Variants in IMMP2L observed in about 807,000 individuals in gnomAD.
IMMP2L encodes the protein mitochondrial inner membrane protease subunit 2.
In IMMP2L, 18 loss-of-function variants were observed where a neutral mutation model predicts 19.3. That is an observed-to-expected ratio of 0.93 (90% CI 0.64 to 1.38). The LOEUF is 1.38. IMMP2L is among the 40% of genes most tolerant of loss of function. The pLI, the probability that IMMP2L is intolerant of heterozygous loss-of-function variation, is 0.00. For synonymous variants in IMMP2L, 76 were observed against 73.0 expected (o/e 1.04, Z -0.21); for missense variants, 233 against 218.2 (o/e 1.07, Z -0.43).
In IMMP2L at chr7:111,417,564, T is replaced by C. The variant is rs1046139465; in HGVS notation, c.239+69674A>G. 2.8e-4 allele frequency among the ~76,000 whole-genome samples: 43 copies of C among 151,928 alleles called. 2 individuals carry two copies. Among genetic ancestry groups the C allele is most frequent in the African/African-American group, 9.9e-4 (41 of 41,240 alleles). Reference sequence around the variant, plus strand: ...ATATGAAGGTTCGTAGTCAGAGGTCTATGAAGACCCCTCAATGTGTAACCT... The same window carrying C: ...ATATGAAGGTTCGTAGTCAGAGGTCCATGAAGACCCCTCAATGTGTAACCT... On this transcript the variant is annotated intron_variant, in intron 3 of 5. Coordinates refer to ENST00000405709, the MANE Select transcript of IMMP2L (RefSeq NM_032549.4).
intron 3 of IMMP2L, among the ~76,000 whole-genome samples, chr7:111,144,403 A>G (rs1803252755): frequency 6.6e-6 from 1 of 152,164 alleles, no homozygotes; most frequent in Non-Finnish European, 1.5e-5. Context: ...CGAAAGTCAC[A>G]TAAGCTGGGA....
intron 3 of IMMP2L, among the ~76,000 whole-genome samples, chr7:111,139,375 T>C (rs543370781): frequency 4.0e-4 from 61 of 152,240 alleles, no homozygotes; most frequent in African/African-American, 1.3e-3. Context: ...AAGTATTTAC[T>C]GCCAGAGACT....
intron 3 of IMMP2L, among the ~76,000 whole-genome samples, chr7:111,463,285 T>C (rs1256019096): frequency 2.0e-5 from 3 of 152,076 alleles, no homozygotes; most frequent in African/African-American, 7.2e-5. Context: ...ATTACTTCTG[T>C]AAAGACCCAG....
chr7:111,325,171 A>G (rs1196111453), intron 3 of IMMP2L, among the ~76,000 whole-genome samples: 3 of 151,800 alleles, frequency 2.0e-5, no homozygotes, highest in African/African-American at 7.2e-5. Flanking sequence ...TTACAAAATA[A>G]TATATGTTTT....
At chr7:110,768,244 G>A (rs969826980) in intron 5 of IMMP2L, among the ~76,000 whole-genome samples, 3 of 150,056 alleles carry the variant, frequency 2.0e-5, no homozygotes, top group Non-Finnish European at 4.4e-5. Context: ...AGAAGACCCT[G>A]CCTTTAAAGA....
At chr7:111,221,603 G>A (rs898866905) in intron 3 of IMMP2L, among the ~76,000 whole-genome samples, 1 of 151,900 alleles carries the variant, frequency 6.6e-6, no homozygotes, top group African/African-American at 2.4e-5. Flanking sequence ...ATCACATTAC[G>A]GGGAAAATTA....
chr7:110,805,468 T>C lies in IMMP2L; in HGVS notation c.408+81125A>G, dbSNP rs551153315. ...CATCCATGCATAATCTGAACAGATATATACTAATACAGAATTGAAAGATTT... is the reference window on the plus strand; with the variant it reads ...CATCCATGCATAATCTGAACAGATACATACTAATACAGAATTGAAAGATTT... On this transcript the variant is annotated intron_variant, in intron 5 of 5. Coordinates refer to ENST00000405709, the MANE Select transcript of IMMP2L (RefSeq NM_032549.4). 2.6e-5 allele frequency among the ~76,000 whole-genome samples: 4 copies of C among 152,226 alleles called. No homozygotes were observed. The East Asian group carries it at 7.8e-4, about 30-fold the overall frequency.
At chr7:111,460,641 CCTT>C (rs1340502575) in intron 3 of IMMP2L, among the ~76,000 whole-genome samples, 3 of 151,720 alleles carry the variant, frequency 2.0e-5, no homozygotes, top group African/African-American at 7.3e-5. Context: ...CTATCAAAAT[CCTT>C]CTTTGATATT....
chr7:111,239,237 C>A (rs995335677), intron 3 of IMMP2L, among the ~76,000 whole-genome samples: 1 of 151,834 alleles, frequency 6.6e-6, no homozygotes, highest in East Asian at 1.9e-4. Context: ...TTTACTTTCC[C>A]TGAAATCACC....
At chr7:111,430,216 A>C (rs1214298157) in intron 3 of IMMP2L, among the ~76,000 whole-genome samples, 1 of 151,896 alleles carries the variant, frequency 6.6e-6, no homozygotes, top group African/African-American at 2.4e-5. Context: ...GAATATTGAA[A>C]ATTAATAACA....
At chr7:111,297,892 A>C (rs1821800801) in intron 3 of IMMP2L, among the ~76,000 whole-genome samples, 1 of 152,148 alleles carries the variant, frequency 6.6e-6, no homozygotes, top group Non-Finnish European at 1.5e-5. Flanking sequence ...CAGTGATTTC[A>C]TGCAGCCAGA....
chr7:111,414,264 CAAA>C (rs1473969820), intron 3 of IMMP2L, among the ~76,000 whole-genome samples: 1 of 151,764 alleles, frequency 6.6e-6, no homozygotes, highest in Non-Finnish European at 1.5e-5. Context: ...CAGCAAGTCT[CAAA>C]AAGACCCAGA....
chr7:111,388,919 A>C (rs1238846493), intron 3 of IMMP2L, among the ~76,000 whole-genome samples: 3 of 152,128 alleles, frequency 2.0e-5, no homozygotes, highest in African/African-American at 4.8e-5. Context: ...ACATATATAC[A>C]TATAATGTGC....
chr7:110,993,183 A>G (rs1727686403), intron 3 of IMMP2L, among the ~76,000 whole-genome samples: 1 of 152,034 alleles, frequency 6.6e-6, no homozygotes, highest in African/African-American at 2.4e-5. Flanking sequence ...CCAGTTCCTC[A>G]CAGCCCACAA....
chr7:111,281,192 AAG>A (rs1156944825), intron 3 of IMMP2L, among the ~76,000 whole-genome samples: 17 of 57,418 alleles, frequency 3.0e-4, no homozygotes, highest in African/African-American at 5.5e-4. Flanking sequence ...GAAAGAAAGA[AAG>A]AAAGAAAGAA....
intron 3 of IMMP2L, among the ~76,000 whole-genome samples, chr7:111,137,033 C>T (rs898689320): frequency 2.0e-5 from 3 of 151,956 alleles, no homozygotes; most frequent in Non-Finnish European, 2.9e-5. Context: ...ATCATAACAG[C>T]ACAGAATTAA....
At chr7:110,814,726 T>C (rs1802338290) in intron 5 of IMMP2L, among the ~76,000 whole-genome samples, 1 of 149,324 alleles carries the variant, frequency 6.7e-6, no homozygotes, top group Non-Finnish European at 1.5e-5. Context: ...TATGTATATA[T>C]ATAAAATTTA....
In IMMP2L at chr7:110,924,152, C is replaced by G. The variant is rs534418977; in HGVS notation, c.306-37457G>C. On this transcript the variant is annotated intron_variant, in intron 4 of 5. Transcript: ENST00000405709. The surrounding 1 kb of genome is among the most constrained non-coding windows in gnomAD (Gnocchi z 4.2). ...TGTGATTTCACATAGAGCACTGATT[C>G]ATTTGAACAGGCAACCTTTATCAGC... Among the ~76,000 whole-genome samples, 1 of 152,280 alleles carries G rather than the reference C, an allele frequency of 6.6e-6. No homozygotes were observed. The highest frequency in any genetic ancestry group is 1.9e-4 in the East Asian group (1 of 5,184).
At chr7:110,980,399 T>C (rs1406603009) in intron 3 of IMMP2L, among the ~76,000 whole-genome samples, 1 of 151,798 alleles carries the variant, frequency 6.6e-6, no homozygotes, top group Non-Finnish European at 1.5e-5. Context: ...TGGCTAATTT[T>C]TTGTATTTTT....
Sources: gnomAD v4.1 joint callset for allele counts (sites outside exome capture counted in the v4.1 genomes callset) on GRCh38, gnomAD v4.1.1 for gene constraint, Gnocchi (gnomAD v3.1) non-coding constraint, MANE v1.5 for transcripts, NCBI Gene and HGNC (gene_info 2026-07-23, HGNC 2026-07-21) for gene names.